The following STUM variants were observed in gnomAD, a reference collection of about 807,000 sequenced individuals.
STUM encodes the protein protein stum homolog.
A neutral mutation model predicts 15.3 loss-of-function variants in STUM; 8 were observed. The observed-to-expected ratio is 0.52, with a 90% CI of 0.31 to 0.94. The LOEUF (loss-of-function observed/expected upper bound fraction) is 0.94, where lower values mean the gene tolerates loss of function less well. Ranked by LOEUF, STUM falls within the 40% of genes least tolerant of loss-of-function variation. The probability of loss-of-function intolerance (pLI) is 0.05; values close to 1 mark genes in which losing one functional copy is unlikely to be tolerated. For missense variants in STUM, 142 were observed against 204.9 expected, an observed-to-expected ratio of 0.69 and a Z score of 1.87; for synonymous variants, 78 against 88.7, an observed-to-expected ratio of 0.88 and a Z score of 0.68.
intron 1 of STUM, among the ~76,000 whole-genome samples, chr1:226,590,043 G>A (rs951390054): frequency 2.6e-5 from 4 of 151,810 alleles, no homozygotes; most frequent in African/African-American, 7.3e-5. Flanking sequence ...AGTTTGAGAC[G>A]TTTGATGCAC....
At chr1:226,559,839 G>A (rs1667508735) in intron 1 of STUM, among the ~76,000 whole-genome samples, 1 of 152,204 alleles carries the variant, frequency 6.6e-6, no homozygotes, top group Non-Finnish European at 1.5e-5. Flanking sequence ...CGGGCATGGT[G>A]GCGGGTGCCT....
At chr1:226,582,929 GTT>G (rs1421138671) in intron 1 of STUM, among the ~76,000 whole-genome samples, 1 of 152,220 alleles carries the variant, frequency 6.6e-6, no homozygotes, top group African/African-American at 2.4e-5. Flanking sequence ...AAACAATAGT[GTT>G]TATGGAGTTC....
intron 2 of STUM, 79 bp downstream of exon 2, chr1:226,597,060 T>A: frequency 1.5e-6 from 2 of 1,371,454 alleles, no homozygotes; most frequent in East Asian, 4.6e-5. Context: ...CCTTCATGTC[T>A]GGCCGAGGTC....
intron 1 of STUM, among the ~76,000 whole-genome samples, chr1:226,584,462 T>A (rs1667968749): frequency 6.6e-6 from 1 of 152,224 alleles, no homozygotes; most frequent in Admixed American, 6.5e-5. Flanking sequence ...CATCTCTTGA[T>A]GAAAGAGTGT....
intron 1 of STUM, among the ~76,000 whole-genome samples, chr1:226,582,745 C>A (rs1667939694): frequency 6.6e-6 from 1 of 152,198 alleles, no homozygotes; most frequent in African/African-American, 2.4e-5. Context: ...GGTAGGCTGT[C>A]TCCTGAAGCC....
chr1:226,582,760 T>C (rs1667939886), intron 1 of STUM, among the ~76,000 whole-genome samples: 1 of 152,186 alleles, frequency 6.6e-6, no homozygotes, highest in Non-Finnish European at 1.5e-5. Context: ...GAAGCCCCAG[T>C]ACCTGCTTTC....
intron 1 of STUM, among the ~76,000 whole-genome samples, chr1:226,570,722 A>G (rs1667693207): frequency 6.6e-6 from 1 of 152,180 alleles, no homozygotes; most frequent in African/African-American, 2.4e-5. Context: ...TCATATGTGA[A>G]GGGTGAGGGC....
In STUM at chr1:226,606,629, A is replaced by C. The variant is rs1416384830; in HGVS notation, c.*4589A>C. The C allele has an allele frequency of 6.6e-6, 1 of 152,170 alleles. No homozygotes were observed. The highest frequency in any genetic ancestry group is 1.5e-5 in the Non-Finnish European group (1 of 68,056). 9.4% of individuals were successfully genotyped at this position (152,170 alleles called of 1,614,324 possible). ...TCAGAGAGATTGGAGGTGGGAGAGC[A>C]CTTTTAAAGCACACCCCACCCCCTG... On this transcript the variant is annotated 3_prime_UTR_variant, in exon 4 of 4. Coordinates refer to ENST00000366788, the MANE Select transcript of STUM (RefSeq NM_001003665.4).
chr1:226,600,754 C>A lies in STUM; in HGVS notation c.391+80C>A. The A allele has an allele frequency of 2.0e-6, 3 of 1,468,840 alleles. No homozygotes were observed. Among genetic ancestry groups the A allele is most frequent in the Non-Finnish European group, 2.8e-6 (3 of 1,057,240 alleles). The allele number at this position is 1,468,840 out of a possible 1,614,324, so 91.0% of individuals were successfully genotyped here. A position where few individuals can be genotyped will look rare whatever the true frequency, so the allele number is the denominator to read the frequency against. ...CCCCCGAGACCCCCACTCCTGCACA[C>A]AAACACCCCACCCACTCTCCCAGTG... On this transcript the variant is annotated intron_variant, in intron 3 of 3. Coordinates refer to ENST00000366788, the MANE Select transcript of STUM (RefSeq NM_001003665.4). The surrounding 1 kb of genome is among the most constrained non-coding windows in gnomAD (Gnocchi z 5.2).
At chr1:226,591,069 G>C (rs922920465) in intron 1 of STUM, among the ~76,000 whole-genome samples, 14 of 152,210 alleles carry the variant, frequency 9.2e-5, no homozygotes, top group African/African-American at 3.1e-4. Context: ...CTGTTGGGTA[G>C]AGCGTTTTAT....
chr1:226,575,944 C>T (rs1667807017), intron 1 of STUM, among the ~76,000 whole-genome samples: 1 of 152,260 alleles, frequency 6.6e-6, no homozygotes, highest in Non-Finnish European at 1.5e-5. Flanking sequence ...GCTGCCACCC[C>T]TGTCATTTTC....
chr1:226,597,031 A>T, intron 2 of STUM, 50 bp downstream of exon 2: 1 of 1,565,102 alleles, frequency 6.4e-7, no homozygotes, highest in Non-Finnish European at 8.8e-7. Context: ...GTGGCCAGGG[A>T]CAGGAAGGGC....
rs1379119210 is a variant in STUM, at chr1:226,579,627, T to G, written c.203-17175T>G. Among the ~76,000 whole-genome samples the G allele has an allele frequency of 2.9e-3, 209 of 70,962 alleles. 1 individual carries two copies. Among genetic ancestry groups the G allele is most frequent in the African/African-American group, 0.014 (195 of 14,398 alleles). The allele number at this position is 70,962 out of a possible 152,430, so 46.6% of individuals were successfully genotyped here. A position where few individuals can be genotyped will look rare whatever the true frequency, so the allele number is the denominator to read the frequency against. ...GAGACCAACTTGGGAAGGCCTTATT[T>G]CTTTTTCTTTTTCTTTTTCTTTTGA... is the stretch of plus-strand genomic sequence containing the variant. On this transcript the variant is annotated intron_variant, in intron 1 of 3. Coordinates refer to ENST00000366788, the MANE Select transcript of STUM (RefSeq NM_001003665.4).
chr1:226,597,771 C>T (rs1328599995), intron 2 of STUM, among the ~76,000 whole-genome samples: 1 of 152,232 alleles, frequency 6.6e-6, no homozygotes, highest in Non-Finnish European at 1.5e-5. Context: ...GAGGGAGATG[C>T]AGTGGAGCGT....
intron 1 of STUM, among the ~76,000 whole-genome samples, chr1:226,585,236 T>C (rs1003430748): frequency 2.0e-5 from 3 of 152,218 alleles, no homozygotes; most frequent in African/African-American, 7.2e-5. Context: ...GCAGGATTCA[T>C]TGAGATCTTC....
Position 226,588,717 on chromosome 1 carries a change from G to A in STUM, c.203-8085G>A, listed in dbSNP as rs554721446. Among the ~76,000 whole-genome samples the A allele has an allele frequency of 3.3e-5, 5 of 152,352 alleles. No individual in the cohort carries two copies. In the South Asian group the frequency reaches 1.0e-3, roughly 32 times the overall value. On this transcript the variant is annotated intron_variant, in intron 1 of 3. Coordinates refer to ENST00000366788, the MANE Select transcript of STUM (RefSeq NM_001003665.4). ...ACCTCCTGAATCAGACTCTTAGGGTGGTGGGGCCCGGGAAGGTGTATTTTT... is the reference window on the plus strand; with the variant it reads ...ACCTCCTGAATCAGACTCTTAGGGTAGTGGGGCCCGGGAAGGTGTATTTTT...
intron 1 of STUM, among the ~76,000 whole-genome samples, chr1:226,566,358 TC>T (rs1667626552): frequency 6.6e-6 from 1 of 152,178 alleles, no homozygotes; most frequent in African/African-American, 2.4e-5. Context: ...CTGATTTTTT[TC>T]CCCCTCTTGT....
At chr1:226,581,599 G>A (rs1486062680) in intron 1 of STUM, among the ~76,000 whole-genome samples, 1 of 152,044 alleles carries the variant, frequency 6.6e-6, no homozygotes, top group Non-Finnish European at 1.5e-5. Context: ...TTTTTGAGAT[G>A]GAGTCTCACT....
chr1:226,593,185 CAAA>C (rs72490675), intron 1 of STUM, among the ~76,000 whole-genome samples: 1 of 125,304 alleles, frequency 8.0e-6, no homozygotes. Flanking sequence ...GACTCCGTCT[CAAA>C]AAAAAAAAAA....
Sources: gnomAD v4.1 joint callset for allele counts (sites outside exome capture counted in the v4.1 genomes callset) on GRCh38, gnomAD v4.1.1 for gene constraint, Gnocchi (gnomAD v3.1) non-coding constraint, MANE v1.5 for transcripts, NCBI Gene and HGNC (gene_info 2026-07-23, HGNC 2026-07-21) for gene names.